Variants in SMARCB1 observed in about 807,000 individuals in gnomAD.
SMARCB1 encodes the protein SWI/SNF-related matrix-associated actin-dependent regulator of chromatin subfamily B member 1.
Under a neutral mutation model 49.0 loss-of-function variants are expected in SMARCB1, and 5 were observed. The ratio of observed to expected loss-of-function variants is 0.10; its 90% CI spans 0.05 to 0.21. SMARCB1 has a LOEUF of 0.21. Among genes scored for constraint, SMARCB1 ranks in the 10% least tolerant of loss-of-function variants. The pLI, the probability that SMARCB1 is intolerant of heterozygous loss-of-function variation, is 1.00. For missense variants in SMARCB1, 226 were observed against 509.2 expected (o/e 0.44, Z 5.35); for synonymous variants, 201 against 200.1 (o/e 1.00, Z -0.04).
rs1293840647 is a variant in SMARCB1, at chr22:23,835,270, T to A, written c.*1090T>A. 9.1e-7 allele frequency: 1 copy of A among 1,094,536 alleles called. No homozygotes were observed. Among genetic ancestry groups the A allele is most frequent in the Non-Finnish European group, 1.1e-6 (1 of 900,716 alleles). The allele number at this position is 1,094,536 out of a possible 1,614,324, so 67.8% of individuals were successfully genotyped here. A position where few individuals can be genotyped will look rare whatever the true frequency, so the allele number is the denominator to read the frequency against. On this transcript the variant is annotated 3_prime_UTR_variant, in exon 9 of 9. Transcript: ENST00000644036. ...CCCATTCTTCAGAATGGACACAGGA[T>A]CTGGGAGGGCAGCAAACTGGCTCGC...
At position 23,825,085 on chromosome 22, in the gene SMARCB1, G is replaced by A. The variant is rs1481628707; in HGVS notation, c.796-140G>A. 1.3e-5 allele frequency: 9 copies of A among 715,548 alleles called. No individual in the cohort carries two copies. In the Admixed American group the frequency reaches 1.9e-4, roughly 15 times the overall value. 44.3% of individuals were successfully genotyped at this position (715,548 alleles called of 1,614,324 possible). A position where few individuals can be genotyped will look rare whatever the true frequency, so the allele number is the denominator to read the frequency against. ...AGCCTTGTTTTGGGGATGGGGAACT[G>A]GAAGGACAAGGACCACCTGCAGTTC... On this transcript the variant is annotated intron_variant, in intron 6 of 8. Coordinates refer to ENST00000644036, the MANE Select transcript of SMARCB1 (RefSeq NM_003073.5).
intron 1 of SMARCB1, among the ~76,000 whole-genome samples, chr22:23,789,825 C>T (rs1001533113): frequency 3.3e-5 from 5 of 152,224 alleles, no homozygotes; most frequent in African/African-American, 1.2e-4. Context: ...TGGACGGTCT[C>T]AGCCCACTGC....
At chr22:23,819,811 C>G (rs9612460) in intron 6 of SMARCB1, among the ~76,000 whole-genome samples, 18,681 of 151,370 alleles carry the variant, frequency 0.12, 1,243 homozygotes, top group South Asian at 0.27. Flanking sequence ...CATCCTCACT[C>G]ACACTTGTTA....
At chr22:23,792,343 A>G (rs960694477) in intron 2 of SMARCB1, 2 of 337,048 alleles carry the variant, frequency 5.9e-6, no homozygotes, top group Non-Finnish European at 1.2e-5. Context: ...CCTGGCAGCC[A>G]GTGTGCTAGA....
At chr22:23,788,899 G>A (rs1225348626) in intron 1 of SMARCB1, among the ~76,000 whole-genome samples, 1 of 149,094 alleles carries the variant, frequency 6.7e-6, no homozygotes, top group Non-Finnish European at 1.5e-5. Flanking sequence ...ACCCAGGCTG[G>A]AGTGTAGTGG....
At chr22:23,799,651 T>C (rs1929010436) in intron 3 of SMARCB1, among the ~76,000 whole-genome samples, 1 of 148,656 alleles carries the variant, frequency 6.7e-6, no homozygotes, top group Non-Finnish European at 1.5e-5. Context: ...TAGCTGAGAT[T>C]ACAGGTTCCT....
At chr22:23,828,829 A>C (rs2030514254) in intron 7 of SMARCB1, among the ~76,000 whole-genome samples, 2 of 152,326 alleles carry the variant, frequency 1.3e-5, no homozygotes, top group Admixed American at 6.5e-5. Context: ...TGCTGGCCAC[A>C]GGACATGTGT....
intron 3 of SMARCB1, among the ~76,000 whole-genome samples, chr22:23,795,634 C>G (rs917134316): frequency 2.6e-5 from 4 of 151,004 alleles, no homozygotes; most frequent in African/African-American, 9.7e-5. Flanking sequence ...CCAGCCTGGG[C>G]AACGAGAGTG....
Position 23,803,064 on chromosome 22 carries a change from G to T in SMARCB1, c.501-231G>T, listed in dbSNP as rs534422205. The stretch of plus-strand genomic sequence containing the variant: ...GTGTTGTTCCAACACTGCCCAGGTC[G>T]ATTCTATTGCAGACAGACTGGTGCT... On this transcript the variant is annotated intron_variant, in intron 4 of 8. Coordinates refer to ENST00000644036, the MANE Select transcript of SMARCB1 (RefSeq NM_003073.5). 5 of 615,390 alleles carry T rather than the reference G, an allele frequency of 8.1e-6. No homozygotes were observed. In the South Asian group the frequency reaches 9.2e-5, roughly 11 times the overall value. The allele number at this position is 615,390 out of a possible 1,614,324, so 38.1% of individuals were successfully genotyped here.
At position 23,836,143 on chromosome 22, in the gene SMARCB1, C is replaced by T. The variant is rs1601452925; in HGVS notation, c.*1963C>T. On this transcript the variant is annotated 3_prime_UTR_variant, in exon 9 of 9. Coordinates refer to ENST00000644036, the MANE Select transcript of SMARCB1 (RefSeq NM_003073.5). ...TAAAAAGGGCAGGAACAGAACCTTC[C>T]AGAAGTCCCTGCCTCACCCAGTCTC... 1.0e-6 allele frequency: 1 copy of T among 985,458 alleles called. No homozygotes were observed. Among genetic ancestry groups the T allele is most frequent in the Non-Finnish European group, 1.2e-6 (1 of 829,952 alleles). The allele number at this position is 985,458 out of a possible 1,614,324, so 61.0% of individuals were successfully genotyped here. A position where few individuals can be genotyped will look rare whatever the true frequency, so the allele number is the denominator to read the frequency against.
In SMARCB1 at chr22:23,789,907, C is replaced by T. The variant is rs35128499; in HGVS notation, c.94-1849C>T. Among the ~76,000 whole-genome samples, 1,273 of 152,306 alleles carry T rather than the reference C, an allele frequency of 8.4e-3. 20 individuals are homozygous for T. The highest frequency in any genetic ancestry group is 0.011 in the Non-Finnish European group (716 of 68,020). ...CAACATACCCAGTGCCTCCATGCGC[C>T]ATCTGTGGAGCTGTCTTGGGAAGGC... On this transcript the variant is annotated intron_variant, in intron 1 of 8. Coordinates refer to ENST00000644036, the MANE Select transcript of SMARCB1 (RefSeq NM_003073.5).
At position 23,803,291 on chromosome 22, in the gene SMARCB1, T is replaced by C. The variant is rs1172856081; in HGVS notation, c.501-4T>C. 1 of 1,614,174 alleles carries C rather than the reference T, an allele frequency of 6.2e-7. No homozygotes were observed. The highest frequency in any genetic ancestry group is 2.2e-5 in the East Asian group (1 of 44,892). On this transcript the variant is annotated splice_region_variant and splice_polypyrimidine_tract_variant and intron_variant, in intron 4 of 8. Transcript: ENST00000644036. ...GCTGACTGTTGCTTCCATTTCACTT[T>C]CAGCTTTGATGACCATGACCCAGCT...
chr22:23,812,264 T>C (rs2145999799), intron 5 of SMARCB1, among the ~76,000 whole-genome samples: 1 of 152,300 alleles, frequency 6.6e-6, no homozygotes, highest in East Asian at 1.9e-4. Flanking sequence ...AAGACCAGCC[T>C]GGGCTACATA....
intron 5 of SMARCB1, 160 bp downstream of exon 5, chr22:23,803,582 G>A: frequency 1.2e-6 from 1 of 813,064 alleles, no homozygotes; most frequent in Non-Finnish European, 2.0e-6. Flanking sequence ...GTTCAGTCCT[G>A]GTTCTGTTGC....
At chr22:23,799,842 G>A (rs1378063498) in intron 3 of SMARCB1, among the ~76,000 whole-genome samples, 2 of 151,778 alleles carry the variant, frequency 1.3e-5, no homozygotes, top group East Asian at 1.9e-4. Context: ...CTGCCACCAC[G>A]CCCGGCTAAT....
intron 7 of SMARCB1, among the ~76,000 whole-genome samples, chr22:23,832,776 GCAGC>G (rs2030722487): frequency 6.6e-6 from 1 of 152,228 alleles, no homozygotes; most frequent in African/African-American, 2.4e-5. Context: ...CAGAGAGGCG[GCAGC>G]CAGCCACCCT....
rs749765106 is a variant in SMARCB1, at chr22:23,834,230, G to A, written c.*50G>A. The stretch of plus-strand genomic sequence containing the variant: ...ACGGAGCATCTCAGAAGATTGGGCC[G>A]CCTCTCCTCCATCTTCTGGCAAGGA... On this transcript the variant is annotated 3_prime_UTR_variant, in exon 9 of 9. Transcript: ENST00000644036. 2.3e-5 allele frequency: 36 copies of A among 1,537,042 alleles called. No homozygotes were observed. The highest frequency in any genetic ancestry group is 9.6e-5 in the Admixed American group (5 of 52,232).
chr22:23,813,022 C>T (rs1441491045), intron 5 of SMARCB1, among the ~76,000 whole-genome samples: 1 of 152,158 alleles, frequency 6.6e-6, no homozygotes, highest in African/African-American at 2.4e-5. Context: ...CCTGCCACCA[C>T]ACCCAGCTAA....
Position 23,835,140 on chromosome 22 carries a change from G to A in SMARCB1, c.*960G>A, listed in dbSNP as rs1278573091. ...CCCTCCCGGCCTGGTGCCAGCTCTT[G>A]GAGTTGACACGGTACAGGGAGGAGA... On this transcript the variant is annotated 3_prime_UTR_variant, in exon 9 of 9. Coordinates refer to ENST00000644036, the MANE Select transcript of SMARCB1 (RefSeq NM_003073.5). 4.4e-6 allele frequency: 6 copies of A among 1,368,042 alleles called. No homozygotes were observed. Among genetic ancestry groups the A allele is most frequent in the Admixed American group, 3.3e-5 (1 of 29,930 alleles). The allele number at this position is 1,368,042 out of a possible 1,614,324, so 84.7% of individuals were successfully genotyped here. A position where few individuals can be genotyped will look rare whatever the true frequency, so the allele number is the denominator to read the frequency against.
Sources: allele counts gnomAD v4.1 joint callset (sites outside exome capture counted in the v4.1 genomes callset), GRCh38; gene constraint gnomAD v4.1.1; transcripts MANE v1.5; gene names NCBI Gene and HGNC (gene_info 2026-07-23, HGNC 2026-07-21).